FN3K: variants seen among roughly 807,000 people sequenced by gnomAD.
The protein encoded by FN3K is fructosamine-3-kinase.
A neutral mutation model predicts 24.8 loss-of-function variants in FN3K; 24 were observed. The ratio of observed to expected loss-of-function variants is 0.97; its 90% CI spans 0.70 to 1.36. The LOEUF (loss-of-function observed/expected upper bound fraction) is 1.36, where lower values mean the gene tolerates loss of function less well. Ranked by LOEUF, FN3K falls within the 40% of genes most tolerant of loss-of-function variation. The pLI, the probability that FN3K is intolerant of heterozygous loss-of-function variation, is 0.00. For missense variants in FN3K, 449 were observed against 416.7 expected, an observed-to-expected ratio of 1.08 and a Z score of -0.67; for synonymous variants, 192 against 175.2, an observed-to-expected ratio of 1.10 and a Z score of -0.76.
chr17:82,746,249 ATAT>A (rs1012570490), intron 4 of FN3K, among the ~76,000 whole-genome samples: 106 of 152,220 alleles, frequency 7.0e-4, no homozygotes, highest in African/African-American at 2.3e-3. Flanking sequence ...TGGGCGTGAA[ATAT>A]TATCTCACTG....
chr17:82,736,928 A>AC (rs1375661124), intron 1 of FN3K, among the ~76,000 whole-genome samples: 2 of 150,796 alleles, frequency 1.3e-5, no homozygotes, highest in African/African-American at 4.9e-5. Flanking sequence ...CTTCCCTCCC[A>AC]CCCCCACGAG....
At chr17:82,749,282 C>T (rs971088381) in intron 5 of FN3K, 1 of 453,076 alleles carries the variant, frequency 2.2e-6, no homozygotes, top group African/African-American at 2.0e-5. Context: ...GATTACTGTT[C>T]TTACTATCAG....
In FN3K at chr17:82,750,570, G is replaced by A. The variant is rs780773026; in HGVS notation, c.745G>A (p.Ala249Thr). The change falls in exon 6 of 6, where the codon GCC (alanine) becomes ACC (threonine). Residue 249 changes from alanine to threonine, a missense_variant. Ala to Thr is a moderately conservative substitution (Grantham distance 58, BLOSUM62 0). Coordinates refer to ENST00000300784, the MANE Select transcript of FN3K (RefSeq NM_022158.4). ...CCATTCCGAGTTTGAACTGGCAATC[G>A]CCTTGATGTTTGGGGGGTTCCCCAG... ...YGHSEFELAI[A>T]LMFGGFPRSF... 3.7e-5 allele frequency: 59 copies of A among 1,613,978 alleles called. No individual in the cohort carries two copies. Among genetic ancestry groups the A allele is most frequent in the Non-Finnish European group, 4.3e-5 (51 of 1,180,018 alleles).
intron 4 of FN3K, among the ~76,000 whole-genome samples, chr17:82,746,848 G>C (rs1260680847): frequency 6.6e-6 from 1 of 151,978 alleles, no homozygotes; most frequent in Non-Finnish European, 1.5e-5. Context: ...TTGTTGAGAT[G>C]GAGTTTCACT....
intron 1 of FN3K, chr17:82,738,210 C>T (rs542059222): frequency 3.4e-4 from 152 of 446,564 alleles, no homozygotes; most frequent in Non-Finnish European, 5.2e-4. Context: ...TCAGTGCTCC[C>T]GGGCACCCAC....
intron 1 of FN3K, among the ~76,000 whole-genome samples, chr17:82,736,773 G>T (rs1212627080): frequency 6.6e-6 from 1 of 152,192 alleles, no homozygotes; most frequent in Non-Finnish European, 1.5e-5. Context: ...GGATCCTCCG[G>T]CATCACCTGC....
Position 82,750,584 on chromosome 17 carries a change from G to T in FN3K, c.759G>T (p.Gly253=). The T allele has an allele frequency of 6.2e-7, 1 of 1,614,108 alleles. No homozygotes were observed. The highest frequency in any genetic ancestry group is 8.5e-7 in the Non-Finnish European group (1 of 1,180,026). Residue 253 remains glycine (G), a synonymous_variant, in exon 6 of 6, where the codon GGG becomes GGT. Coordinates refer to ENST00000300784, the MANE Select transcript of FN3K (RefSeq NM_022158.4). ...EFELAIALMF[G]GFPRSFFTAY... is the part of the protein sequence containing the mutation. ...AACTGGCAATCGCCTTGATGTTTGG[G>T]GGGTTCCCCAGATCCTTCTTCACCG... is the stretch of plus-strand genomic sequence containing the variant.
chr17:82,749,109 G>A (rs1048887548), intron 5 of FN3K, 132 bp downstream of exon 5: 1 of 1,417,952 alleles, frequency 7.1e-7, no homozygotes. Flanking sequence ...AGGGAGGAAG[G>A]GGGGCAGGGG....
intron 4 of FN3K, among the ~76,000 whole-genome samples, chr17:82,743,442 C>G (rs554660314): frequency 1.6e-4 from 25 of 152,260 alleles, no homozygotes; most frequent in African/African-American, 5.8e-4. Flanking sequence ...TGTTGTGCCT[C>G]GGACAGCACC....
intron 4 of FN3K, among the ~76,000 whole-genome samples, chr17:82,748,220 C>A (rs759629450): frequency 2.6e-5 from 4 of 151,454 alleles, no homozygotes; most frequent in Non-Finnish European, 4.4e-5. Flanking sequence ...GCGATCTCGG[C>A]TCACTGCACC....
chr17:82,737,011 C>G (rs1488113566), intron 1 of FN3K, among the ~76,000 whole-genome samples: 1 of 152,120 alleles, frequency 6.6e-6, no homozygotes, highest in Non-Finnish European at 1.5e-5. Context: ...GCTTAGCAGC[C>G]CCAAGGCCGG....
At chr17:82,748,142 C>CTTTTTTTTTTTTT (rs145352692) in intron 4 of FN3K, among the ~76,000 whole-genome samples, 1 of 141,872 alleles carries the variant, frequency 7.0e-6, no homozygotes, top group Non-Finnish European at 1.5e-5. Flanking sequence ...CTCTAGCTTT[C>CTTTTTTTTTTTTT]TTTTTTTTTT....
intron 4 of FN3K, among the ~76,000 whole-genome samples, chr17:82,748,597 G>A (rs529599497): frequency 1.2e-4 from 18 of 151,794 alleles, no homozygotes; most frequent in Non-Finnish European, 1.8e-4. Context: ...TTTACCAAGA[G>A]TATTTATTTT....
At position 82,740,763 on chromosome 17, in the gene FN3K, T is replaced by G; in HGVS notation, c.294T>G (p.Ser98Arg). 1.2e-6 allele frequency: 2 copies of G among 1,610,850 alleles called. No homozygotes were observed. The highest frequency in any genetic ancestry group is 2.2e-5 in the East Asian group (1 of 44,852). ...TTAGCTGCATTTCTTCTTTCCTCAG[T>G]CAAGCATCAAAACTTGGAGAGCAGA... ...MEHLKMKSLS[S>R]QASKLGEQMA... Residue 98 changes from serine to arginine, a missense_variant and splice_region_variant, in exon 3 of 6, where the codon AGT becomes AGG. Ser to Arg is a moderately radical substitution (Grantham distance 110). Coordinates refer to ENST00000300784, the MANE Select transcript of FN3K (RefSeq NM_022158.4).
At chr17:82,744,080 G>A (rs535278429) in intron 4 of FN3K, among the ~76,000 whole-genome samples, 1 of 152,314 alleles carries the variant, frequency 6.6e-6, no homozygotes, top group South Asian at 2.1e-4. Flanking sequence ...CCTCTGAGCT[G>A]GGGATCTGAC....
At chr17:82,741,046 A>G in intron 3 of FN3K, 192 bp downstream of exon 3, 1 of 663,966 alleles carries the variant, frequency 1.5e-6, no homozygotes. Flanking sequence ...GAATTGGCAC[A>G]TGATCCCTTT....
rs1568066309 is a variant in FN3K at position 82,735,802 on chromosome 17, G to GCTCTGCGGGT, written c.141+35_141+44dup. The GCTCTGCGGGT allele has an allele frequency of 2.6e-6, 4 of 1,549,378 alleles. No homozygotes were observed. The South Asian group carries it at 3.6e-5, about 14-fold the overall frequency. The stretch of plus-strand genomic sequence containing the variant: ...GGTGCTGGCCCGTGCGCAGGCGGGG[G>GCTCTGCGGGT]CTCTGCGGGTCTCTGCGGGGCCTGG... On this transcript the variant is annotated intron_variant, in intron 1 of 5. Transcript: ENST00000300784.
chr17:82,741,339 G>A lies in FN3K; in HGVS notation c.414G>A (p.Gln138=), dbSNP rs746021313. ...GAAGAGGTGAGGGTGCTGAGCCTCA[G>A]TATGTGGACAAGTTCGGCTTCCACA... ...VGRRGEGAEP[Q]YVDKFGFHTV... is the part of the protein sequence containing the mutation. The change falls in exon 4 of 6, where the codon CAG becomes CAA. Residue 138 remains glutamine, a synonymous_variant. Coordinates refer to ENST00000300784, the MANE Select transcript of FN3K (RefSeq NM_022158.4). The A allele has an allele frequency of 1.5e-5, 25 of 1,613,870 alleles. No individual in the cohort carries two copies. The South Asian group carries it at 2.5e-4, about 16-fold the overall frequency.
rs145352692 is a variant in FN3K at position 82,748,142 on chromosome 17, C to CTT, written c.469-703_469-702dup. On this transcript the variant is annotated intron_variant, in intron 4 of 5. Transcript: ENST00000300784. Reference sequence around the variant, plus strand: ...GTATTAATGTAGCCACTCTAGCTTTCTTTTTTTTTTTCTTTTTTTTTTTGA... The same window carrying CTT: ...GTATTAATGTAGCCACTCTAGCTTTCTTTTTTTTTTTTTCTTTTTTTTTTTGA... Among the ~76,000 whole-genome samples the CTT allele has an allele frequency of 7.8e-5, 11 of 141,880 alleles. No individual in the cohort carries two copies. In the South Asian group the frequency reaches 8.9e-4, roughly 11 times the overall value. 93.1% of individuals were successfully genotyped at this position (141,880 alleles called of 152,430 possible).
Sources: allele counts gnomAD v4.1 joint callset (sites outside exome capture counted in the v4.1 genomes callset), GRCh38; gene constraint gnomAD v4.1.1; transcripts MANE v1.5; gene names NCBI Gene and HGNC (gene_info 2026-07-23, HGNC 2026-07-21).